LHCGR: variants seen among roughly 807,000 people sequenced by gnomAD.
LHCGR encodes luteinizing hormone/choriogonadotropin receptor.
Under a neutral mutation model 60.7 loss-of-function variants are expected in LHCGR, and 55 were observed. The observed-to-expected ratio is 0.91, with a 90% CI of 0.73 to 1.13. The LOEUF is 1.13. LHCGR is among the 50% of genes most tolerant of loss of function. LHCGR has a pLI of 0.00. For synonymous variants in LHCGR, 337 were observed against 316.5 expected (o/e 1.06, Z -0.69); for missense variants, 862 against 836.0 (o/e 1.03, Z -0.38).
At chr2:48,692,521 T>G (rs933398161) in intron 10 of LHCGR, among the ~76,000 whole-genome samples, 5 of 152,216 alleles carry the variant, frequency 3.3e-5, no homozygotes, top group Non-Finnish European at 7.3e-5. Flanking sequence ...GAGGGCAGCA[T>G]CATGCTTATT....
At chr2:48,717,605 C>A (rs4293599) in intron 6 of LHCGR, among the ~76,000 whole-genome samples, 1 of 151,630 alleles carries the variant, frequency 6.6e-6, no homozygotes, top group Non-Finnish European at 1.5e-5. Context: ...CAGAGGTAAA[C>A]GATCTCCCTT....
intron 4 of LHCGR, among the ~76,000 whole-genome samples, chr2:48,724,433 G>C (rs1004028308): frequency 2.0e-5 from 3 of 152,156 alleles, no homozygotes. Context: ...CAACTAATAT[G>C]AACTGTCTGT....
At chr2:48,732,749 A>G (rs1669052046) in intron 1 of LHCGR, 1 of 449,474 alleles carries the variant, frequency 2.2e-6, no homozygotes, top group Non-Finnish European at 4.5e-6. Flanking sequence ...TTTCTTCTGC[A>G]AAGCGGTTTA....
At chr2:48,733,022 G>A (rs1669066300) in intron 1 of LHCGR, 1 of 525,560 alleles carries the variant, frequency 1.9e-6, no homozygotes, top group Non-Finnish European at 3.9e-6. Flanking sequence ...CTGGAATCAT[G>A]TTCGCTTGGC....
chr2:48,729,024 C>G (rs765697397), intron 3 of LHCGR, 129 bp downstream of exon 3: 40 of 803,220 alleles, frequency 5.0e-5, no homozygotes, highest in Non-Finnish European at 7.9e-5. Flanking sequence ...CCTGCCCAGA[C>G]CTAGTAATTG....
At position 48,718,260 on chromosome 2, in the gene LHCGR, C is replaced by T. The variant is rs974177709; in HGVS notation, c.537-4206G>A. ...TAAAGCATTGTCTAGGTTCTCTACT[C>T]AAATGTCAGTAATTGTGAATCACAC... On this transcript the variant is annotated intron_variant, in intron 6 of 10. Coordinates refer to ENST00000294954, the MANE Select transcript of LHCGR (RefSeq NM_000233.4). Among the ~76,000 whole-genome samples, 40 of 152,110 alleles carry T rather than the reference C, an allele frequency of 2.6e-4. 1 individual carries two copies. Among genetic ancestry groups the T allele is most frequent in the African/African-American group, 9.7e-4 (40 of 41,426 alleles).
rs372057341 is a variant in LHCGR at position 48,755,524 on chromosome 2, C to T, written c.148G>A (p.Gly50Ser). 4 of 1,541,250 alleles carry T rather than the reference C, an allele frequency of 2.6e-6. No homozygotes were observed. The highest frequency in any genetic ancestry group is 2.7e-5 in the African/African-American group (2 of 72,872). Residue 50 changes from glycine (G) to serine (S), a missense_variant, in exon 1 of 11, where the codon GGT (glycine) becomes AGT (serine). By Grantham distance (56) the Gly-to-Ser change is moderately conservative. Transcript: ENST00000294954. Reference sequence around the variant, plus strand: ...CTGTGTACTCACAGTCGAGTGAGACCGGCCGTGGGGCCGGGGCAGCGCAGG... The same window carrying T: ...CTGTGTACTCACAGTCGAGTGAGACTGGCCGTGGGGCCGGGGCAGCGCAGG... ...GALRCPGPTA[G>S]LTRLSLAYLP... is the part of the protein sequence containing the mutation.
chr2:48,725,295 G>A (rs539653016), intron 4 of LHCGR, among the ~76,000 whole-genome samples: 2 of 152,144 alleles, frequency 1.3e-5, no homozygotes, highest in Admixed American at 6.5e-5. Flanking sequence ...AACCCGTGAT[G>A]AGAGTCAGAC....
At chr2:48,702,219 T>C (rs1421147689) in intron 8 of LHCGR, among the ~76,000 whole-genome samples, 1 of 152,128 alleles carries the variant, frequency 6.6e-6, no homozygotes, top group African/African-American at 2.4e-5. Flanking sequence ...TGTTTCAGGC[T>C]TTGTCAGATT....
chr2:48,732,368 G>A (rs1669032998), intron 1 of LHCGR, among the ~76,000 whole-genome samples: 1 of 152,166 alleles, frequency 6.6e-6, no homozygotes, highest in African/African-American at 2.4e-5. Flanking sequence ...AGCAGAGACT[G>A]CTTTAAGCTT....
intron 10 of LHCGR, among the ~76,000 whole-genome samples, chr2:48,690,252 C>T (rs1282880182): frequency 6.6e-6 from 1 of 152,202 alleles, no homozygotes; most frequent in Non-Finnish European, 1.5e-5. Flanking sequence ...CTGCCTATCT[C>T]TCCAACCTCA....
intron 1 of LHCGR, among the ~76,000 whole-genome samples, chr2:48,740,601 G>A (rs1167193981): frequency 2.6e-5 from 4 of 152,014 alleles, no homozygotes; most frequent in Admixed American, 1.3e-4. Context: ...TCACATGGCC[G>A]GGTACTCCAA....
chr2:48,732,732 C>T (rs964757637), intron 1 of LHCGR, among the ~76,000 whole-genome samples: 12 of 152,132 alleles, frequency 7.9e-5, no homozygotes, highest in South Asian at 2.1e-4. Context: ...ATGTCACATT[C>T]GCTCTATTTC....
chr2:48,706,034 G>T (rs929123879), intron 8 of LHCGR, among the ~76,000 whole-genome samples: 1 of 152,170 alleles, frequency 6.6e-6, no homozygotes, highest in East Asian at 1.9e-4. Flanking sequence ...GCTGGCACTG[G>T]TTGTTCCTTT....
chr2:48,706,299 C>A (rs1308157993), intron 8 of LHCGR, among the ~76,000 whole-genome samples: 1 of 152,142 alleles, frequency 6.6e-6, no homozygotes, highest in African/African-American at 2.4e-5. Context: ...GTGGGTAACC[C>A]AACCCTTCTC....
At chr2:48,719,033 G>A (rs981480446) in intron 6 of LHCGR, among the ~76,000 whole-genome samples, 12 of 152,308 alleles carry the variant, frequency 7.9e-5, no homozygotes, top group Middle Eastern at 6.8e-3. Context: ...TAACAATAAA[G>A]GATTCTAGGC....
chr2:48,696,579 C>T (rs1033964498), intron 9 of LHCGR, among the ~76,000 whole-genome samples: 1 of 152,080 alleles, frequency 6.6e-6, no homozygotes, highest in Non-Finnish European at 1.5e-5. Context: ...CCTACGTACC[C>T]ATTAGTCAGG....
intron 1 of LHCGR, among the ~76,000 whole-genome samples, chr2:48,746,484 T>C (rs1484342554): frequency 6.6e-6 from 1 of 152,252 alleles, no homozygotes; most frequent in Non-Finnish European, 1.5e-5. Flanking sequence ...GATTTTGCAT[T>C]TGAGCATTGA....
chr2:48,705,581 G>T (rs1440768007), intron 8 of LHCGR, among the ~76,000 whole-genome samples: 3 of 152,132 alleles, frequency 2.0e-5, no homozygotes, highest in African/African-American at 7.2e-5. Flanking sequence ...CTCCTGTGTT[G>T]GGTGCATATA....
Sources: gnomAD v4.1 joint callset for allele counts (sites outside exome capture counted in the v4.1 genomes callset) on GRCh38, gnomAD v4.1.1 for gene constraint, MANE v1.5 for transcripts, NCBI Gene and HGNC (gene_info 2026-07-23, HGNC 2026-07-21) for gene names.